TSHZ2: variants seen among roughly 807,000 people sequenced by gnomAD.
The protein encoded by TSHZ2 is teashirt zinc finger homeobox 2.
TSHZ2 carries 21 observed loss-of-function variants against 74.4 expected under a neutral mutation model. That is an observed-to-expected ratio of 0.28 (90% CI 0.20 to 0.41). The LOEUF (loss-of-function observed/expected upper bound fraction) is 0.41. Among genes scored for constraint, TSHZ2 ranks in the 10% least tolerant of loss-of-function variants. The pLI, the probability that TSHZ2 is intolerant of heterozygous loss-of-function variation, is 1.00. For synonymous variants in TSHZ2, 540 were observed against 515.3 expected (o/e 1.05, Z -0.65); for missense variants, 1,244 against 1,293.5 (o/e 0.96, Z 0.59).
chr20:53,454,666 G>A (rs965328732), intron 2 of TSHZ2, among the ~76,000 whole-genome samples: 13 of 151,994 alleles, frequency 8.6e-5, no homozygotes, highest in Non-Finnish European at 2.9e-5. Flanking sequence ...CTCAGAGAGG[G>A]CTCCCTCTCC....
intron 2 of TSHZ2, among the ~76,000 whole-genome samples, chr20:53,458,316 A>G (rs1169793268): frequency 6.6e-6 from 1 of 151,244 alleles, no homozygotes; most frequent in Non-Finnish European, 1.5e-5. Flanking sequence ...GAATTTATCC[A>G]TTTCTTCTAG....
At chr20:53,070,408 G>A (rs2123194889) in intron 1 of TSHZ2, among the ~76,000 whole-genome samples, 1 of 152,276 alleles carries the variant, frequency 6.6e-6, no homozygotes, top group Admixed American at 6.5e-5. Context: ...TATAGTCACA[G>A]TTTTTCTACT....
At chr20:53,400,385 A>G (rs1468979511) in intron 2 of TSHZ2, 2 of 152,336 alleles carry the variant, frequency 1.3e-5, no homozygotes, top group African/African-American at 2.4e-5. Context: ...GAAACGCAGC[A>G]TAAGTCGAAG....
In TSHZ2 at chr20:52,973,254, G is replaced by A; in HGVS notation, c.-40G>A. On this transcript the variant is annotated 5_prime_UTR_variant, in exon 1 of 3. Coordinates refer to ENST00000371497, the MANE Select transcript of TSHZ2 (RefSeq NM_173485.6). ...ACAGCGGGCCCCAGCGCGCGGCTCG[G>A]GGCTGGGGCGCCAGAAGTGGGACTG... 3 of 1,551,742 alleles carry A rather than the reference G, an allele frequency of 1.9e-6. No homozygotes were observed. The highest frequency in any genetic ancestry group is 2.6e-6 in the Non-Finnish European group (3 of 1,146,938).
intron 1 of TSHZ2, among the ~76,000 whole-genome samples, chr20:52,987,343 C>T (rs1981805875): frequency 6.6e-6 from 1 of 152,138 alleles, no homozygotes; most frequent in Admixed American, 6.5e-5. Context: ...GAATGAGGCC[C>T]ATGAATCTGG....
intron 1 of TSHZ2, among the ~76,000 whole-genome samples, chr20:53,170,902 C>T (rs905284499): frequency 6.6e-6 from 1 of 150,616 alleles, no homozygotes; most frequent in Non-Finnish European, 1.5e-5. Context: ...TTTGATGGTG[C>T]TCCTCTCAAA....
intron 2 of TSHZ2, among the ~76,000 whole-genome samples, chr20:53,315,436 C>T (rs562039942): frequency 5.3e-4 from 80 of 152,302 alleles, no homozygotes; most frequent in Non-Finnish European, 7.8e-4. Flanking sequence ...AAAGTGAAAT[C>T]TTGGGAAAGA....
chr20:53,035,043 C>A (rs939469220), intron 1 of TSHZ2, among the ~76,000 whole-genome samples: 1 of 152,086 alleles, frequency 6.6e-6, no homozygotes, highest in Non-Finnish European at 1.5e-5. Flanking sequence ...AAGAGGATGG[C>A]AGTGGTGAGG....
chr20:53,180,172 G>C (rs902458088), intron 1 of TSHZ2, among the ~76,000 whole-genome samples: 2 of 152,196 alleles, frequency 1.3e-5, no homozygotes, highest in African/African-American at 4.8e-5. Context: ...GAAAGGGAGG[G>C]CTTTGGATCT....
At chr20:53,162,108 G>A (rs543021082) in intron 1 of TSHZ2, among the ~76,000 whole-genome samples, 1 of 152,214 alleles carries the variant, frequency 6.6e-6, no homozygotes, top group African/African-American at 2.4e-5. Context: ...TATTGCCATT[G>A]TTTATGATGT....
At chr20:53,128,771 G>A (rs1291428586) in intron 1 of TSHZ2, among the ~76,000 whole-genome samples, 3 of 151,964 alleles carry the variant, frequency 2.0e-5, no homozygotes, top group South Asian at 2.1e-4. Context: ...ACAGGTGCAC[G>A]CCACCACACC....
chr20:53,125,578 C>A (rs149855619), intron 1 of TSHZ2, among the ~76,000 whole-genome samples: 1 of 152,156 alleles, frequency 6.6e-6, no homozygotes, highest in Non-Finnish European at 1.5e-5. Context: ...TCCCACCCTA[C>A]GTTCCTGCAG....
chr20:53,441,444 GT>G (rs2049315281), intron 2 of TSHZ2, among the ~76,000 whole-genome samples: 1 of 151,272 alleles, frequency 6.6e-6, no homozygotes, highest in Non-Finnish European at 1.5e-5. Flanking sequence ...TTTTCTTTTT[GT>G]TTTGTTTTGT....
At chr20:53,249,140 C>T (rs1027905316) in intron 1 of TSHZ2, among the ~76,000 whole-genome samples, 15 of 152,124 alleles carry the variant, frequency 9.9e-5, no homozygotes, top group South Asian at 4.2e-4. Context: ...GGCACACAGC[C>T]GATACTCTGG....
chr20:53,434,991 T>C (rs1243918623), intron 2 of TSHZ2, among the ~76,000 whole-genome samples: 1 of 152,204 alleles, frequency 6.6e-6, no homozygotes, highest in Non-Finnish European at 1.5e-5. Flanking sequence ...TCACATAGTA[T>C]TTCTGAATGC....
At chr20:53,027,847 G>A (rs1273613933) in intron 1 of TSHZ2, among the ~76,000 whole-genome samples, 1 of 152,134 alleles carries the variant, frequency 6.6e-6, no homozygotes, top group Admixed American at 6.6e-5. Flanking sequence ...TGGGGCTATG[G>A]AAAATGCCAT....
intron 2 of TSHZ2, among the ~76,000 whole-genome samples, chr20:53,334,951 G>A (rs996179596): frequency 2.6e-5 from 4 of 152,132 alleles, no homozygotes; most frequent in Admixed American, 1.3e-4. Context: ...CAAAGGGCTG[G>A]GATTACAGGT....
intron 1 of TSHZ2, among the ~76,000 whole-genome samples, chr20:53,230,871 G>A (rs954508467): frequency 2.6e-5 from 4 of 151,650 alleles, no homozygotes; most frequent in Non-Finnish European, 4.4e-5. Flanking sequence ...CAGCCCAGGT[G>A]AGACTCCATC....
At chr20:53,123,479 A>G (rs1031592537) in intron 1 of TSHZ2, among the ~76,000 whole-genome samples, 2 of 152,210 alleles carry the variant, frequency 1.3e-5, no homozygotes, top group Non-Finnish European at 2.9e-5. Flanking sequence ...GGCTAGGACA[A>G]CTTGGTCCCA....
Sources: allele counts gnomAD v4.1 joint callset (sites outside exome capture counted in the v4.1 genomes callset), GRCh38; gene constraint gnomAD v4.1.1; transcripts MANE v1.5; gene names NCBI Gene and HGNC (gene_info 2026-07-23, HGNC 2026-07-21).